Variants in CSRNP3 observed in about 807,000 individuals in gnomAD.
CSRNP3 encodes cysteine/serine-rich nuclear protein 3.
A neutral mutation model predicts 48.0 loss-of-function variants in CSRNP3; 12 were observed. The ratio of observed to expected loss-of-function variants is 0.25; its 90% confidence interval spans 0.16 to 0.41. The LOEUF is 0.41. Among genes scored for constraint, CSRNP3 ranks in the 10% least tolerant of loss-of-function variants. The probability of loss-of-function intolerance (pLI) is 1.00; values close to 1 mark genes in which losing one functional copy is unlikely to be tolerated. For missense variants in CSRNP3, 580 were observed against 724.4 expected (o/e 0.80, Z 2.29); for synonymous variants, 263 against 269.7 (o/e 0.98, Z 0.24).
intron 5 of CSRNP3, among the ~76,000 whole-genome samples, chr2:165,658,889 T>A (rs1008134300): frequency 6.6e-6 from 1 of 152,060 alleles, no homozygotes; most frequent in Non-Finnish European, 1.5e-5. Context: ...CAATTCAAGA[T>A]GAGATTTGGG....
At chr2:165,531,199 A>C (rs1684807446) in intron 3 of CSRNP3, among the ~76,000 whole-genome samples, 1 of 152,174 alleles carries the variant, frequency 6.6e-6, no homozygotes, top group Non-Finnish European at 1.5e-5. Flanking sequence ...TTTGACAGTA[A>C]TTCTGAAATT....
At chr2:165,611,301 A>G (rs572488915) in intron 4 of CSRNP3, among the ~76,000 whole-genome samples, 29 of 152,192 alleles carry the variant, frequency 1.9e-4, no homozygotes, top group African/African-American at 6.7e-4. Flanking sequence ...AGAACACTGA[A>G]GATGATAACT....
chr2:165,668,913 G>A (rs527976075), intron 5 of CSRNP3, among the ~76,000 whole-genome samples: 1 of 152,114 alleles, frequency 6.6e-6, no homozygotes, highest in Non-Finnish European at 1.5e-5. Flanking sequence ...ATAAACCTAA[G>A]TTTGATCTTC....
chr2:165,553,461 G>A lies in CSRNP3; in HGVS notation c.-24+35500G>A, dbSNP rs180809042. Reference sequence around the variant, plus strand: ...GTGGCTGGAGAAAGTGCACAACTGTGCTAAGGTATTTCCATTTAAATTCAT... The same window carrying A: ...GTGGCTGGAGAAAGTGCACAACTGTACTAAGGTATTTCCATTTAAATTCAT... On this transcript the variant is annotated intron_variant, in intron 3 of 6. Coordinates refer to ENST00000651982, the MANE Select transcript of CSRNP3 (RefSeq NM_001172173.2). Among the ~76,000 whole-genome samples, 604 of 152,276 alleles carry A rather than the reference G, an allele frequency of 4.0e-3. 8 individuals are homozygous for A. Among genetic ancestry groups the A allele is most frequent in the African/African-American group, 0.014 (570 of 41,560 alleles).
At chr2:165,630,325 C>G (rs1050382407) in intron 4 of CSRNP3, among the ~76,000 whole-genome samples, 3 of 152,118 alleles carry the variant, frequency 2.0e-5, no homozygotes, top group Admixed American at 6.6e-5. Context: ...TCTTGTATAC[C>G]TAAGACTGAC....
At chr2:165,642,537 A>G (rs2105335359) in intron 4 of CSRNP3, among the ~76,000 whole-genome samples, 1 of 152,088 alleles carries the variant, frequency 6.6e-6, no homozygotes, top group African/African-American at 2.4e-5. Context: ...AATTTCTGGG[A>G]AATCTAAAAA....
intron 3 of CSRNP3, among the ~76,000 whole-genome samples, chr2:165,593,011 C>T (rs1283516163): frequency 6.6e-6 from 1 of 151,602 alleles, no homozygotes; most frequent in East Asian, 1.9e-4. Context: ...CCGTTTTAGC[C>T]GGGATGGTCT....
intron 3 of CSRNP3, among the ~76,000 whole-genome samples, chr2:165,591,481 T>A (rs1237272363): frequency 6.6e-6 from 1 of 152,066 alleles, no homozygotes; most frequent in East Asian, 1.9e-4. Flanking sequence ...GGGGAGAATG[T>A]CTCCAGGGCA....
intron 3 of CSRNP3, among the ~76,000 whole-genome samples, chr2:165,522,216 T>G (rs1684672899): frequency 2.0e-5 from 3 of 152,040 alleles, no homozygotes; most frequent in Non-Finnish European, 4.4e-5. Flanking sequence ...CACTTGAACC[T>G]GGAAGGTGGA....
intron 3 of CSRNP3, among the ~76,000 whole-genome samples, chr2:165,543,924 C>T (rs1306250269): frequency 6.6e-6 from 1 of 151,798 alleles, no homozygotes; most frequent in African/African-American, 2.4e-5. Flanking sequence ...AGACACTTGC[C>T]CTCCAGTATC....
chr2:165,568,867 T>G lies in CSRNP3; in HGVS notation c.-23-26176T>G, dbSNP rs58297470. Among the ~76,000 whole-genome samples, 1,296 of 152,152 alleles carry G rather than the reference T, an allele frequency of 8.5e-3. 21 individuals carry two copies. Among genetic ancestry groups the G allele is most frequent in the African/African-American group, 0.03 (1,234 of 41,548 alleles). ...TAACAGGATAAATTACAATTTGACA[T>G]TTGATAAATTATTTTAAATTACAAA... On this transcript the variant is annotated intron_variant, in intron 3 of 6. Transcript: ENST00000651982.
chr2:165,652,573 C>G (rs1686931791), intron 4 of CSRNP3, among the ~76,000 whole-genome samples: 1 of 152,022 alleles, frequency 6.6e-6, no homozygotes, highest in Non-Finnish European at 1.5e-5. Flanking sequence ...ACTGGAGTCT[C>G]ACTCTGTCAC....
At chr2:165,580,805 C>A (rs1350093157) in intron 3 of CSRNP3, among the ~76,000 whole-genome samples, 2 of 151,624 alleles carry the variant, frequency 1.3e-5, no homozygotes, top group African/African-American at 4.8e-5. Context: ...ACAAAAAATG[C>A]TATCTTCCAG....
At chr2:165,532,000 C>T (rs563561529) in intron 3 of CSRNP3, among the ~76,000 whole-genome samples, 5 of 152,232 alleles carry the variant, frequency 3.3e-5, no homozygotes, top group South Asian at 2.1e-4. Context: ...CCTCCCAAGA[C>T]GAAACCAGGA....
At chr2:165,650,074 C>T (rs1482809893) in intron 4 of CSRNP3, among the ~76,000 whole-genome samples, 1 of 151,970 alleles carries the variant, frequency 6.6e-6, no homozygotes, top group East Asian at 1.9e-4. Flanking sequence ...AGAAAATAGT[C>T]CCAATTAGTC....
intron 3 of CSRNP3, among the ~76,000 whole-genome samples, chr2:165,539,102 T>G (rs1207169576): frequency 6.6e-6 from 1 of 152,006 alleles, no homozygotes; most frequent in Non-Finnish European, 1.5e-5. Flanking sequence ...TCTTTAAAAT[T>G]TATGCAACCC....
intron 4 of CSRNP3, among the ~76,000 whole-genome samples, chr2:165,639,746 T>C (rs919820373): frequency 6.6e-6 from 1 of 152,180 alleles, no homozygotes; most frequent in Non-Finnish European, 1.5e-5. Context: ...TCCAGGCTTA[T>C]GACCTTGGAG....
chr2:165,607,225 G>A (rs1436190092), intron 4 of CSRNP3, among the ~76,000 whole-genome samples: 2 of 151,880 alleles, frequency 1.3e-5, no homozygotes, highest in Admixed American at 6.6e-5. Context: ...CTATTTTATA[G>A]TATACTAGTT....
intron 1 of CSRNP3, among the ~76,000 whole-genome samples, chr2:165,476,529 T>C (rs758149292): frequency 6.6e-6 from 1 of 152,260 alleles, no homozygotes; most frequent in East Asian, 1.9e-4. Context: ...GTGGTATACA[T>C]ATACCCCTTA....
Sources: allele counts gnomAD v4.1 joint callset (sites outside exome capture counted in the v4.1 genomes callset), GRCh38; gene constraint gnomAD v4.1.1; transcripts MANE v1.5; gene names NCBI Gene and HGNC (gene_info 2026-07-23, HGNC 2026-07-21).